Variants in PODNL1 observed in about 807,000 individuals in gnomAD.
PODNL1 encodes the protein podocan like 1.
A neutral mutation model predicts 45.1 loss-of-function variants in PODNL1; 50 were observed. The ratio of observed to expected loss-of-function variants is 1.11; its 90% confidence interval spans 0.88 to 1.40. The LOEUF (loss-of-function observed/expected upper bound fraction) is 1.40. Ranked by LOEUF, PODNL1 falls within the 40% of genes most tolerant of loss-of-function variation. PODNL1 has a pLI of 0.00. For missense variants in PODNL1, 788 were observed against 793.3 expected (o/e 0.99, Z 0.08); for synonymous variants, 406 against 372.5 (o/e 1.09, Z -1.04).
Position 13,938,010 on chromosome 19 carries a change from CGGGGGAGGGA to C in PODNL1, c.4-14_4-5del, listed in dbSNP as rs977014338. ...GGAGCAGCAGCAGGCTCGGCCACTG[CGGGGGAGGGA>C]GGGTCAGCGTGTCTCCAGGCTGGGC... On this transcript the variant is annotated splice_region_variant and splice_polypyrimidine_tract_variant and intron_variant, in intron 1 of 9. Coordinates refer to ENST00000588872, the MANE Select transcript of PODNL1 (RefSeq NM_001370095.3). The C allele has an allele frequency of 2.6e-6, 4 of 1,515,172 alleles. No homozygotes were observed. In the African/African-American group the frequency reaches 5.5e-5, roughly 21 times the overall value. 93.9% of individuals were successfully genotyped at this position (1,515,172 alleles called of 1,614,324 possible).
Position 13,936,406 on chromosome 19 carries a change from G to T in PODNL1, c.280C>A (p.Arg94=), listed in dbSNP as rs759288219. ...AGGTTGTTGTGGAGGTTGAGGGTTC[G>T]CAGGCCACTGAGGCGGGACAGCTCA... is the stretch of plus-strand genomic sequence containing the variant. ...YNELSRLSGL[R]TLNLHNNLIS... The change falls in exon 3 of 10, where the codon CGA becomes AGA. Residue 94 remains arginine (R), a synonymous_variant. Transcript: ENST00000588872. 19 of 1,613,362 alleles carry T rather than the reference G, an allele frequency of 1.2e-5. No homozygotes were observed. The highest frequency in any genetic ancestry group is 1.4e-5 in the Non-Finnish European group (17 of 1,179,658).
intron 1 of PODNL1, among the ~76,000 whole-genome samples, chr19:13,951,230 G>C (rs1973011684): frequency 1.3e-5 from 2 of 151,892 alleles, no homozygotes; most frequent in African/African-American, 2.4e-5. Flanking sequence ...ATGATCCCTT[G>C]AGGTCAGGAG....
chr19:13,934,296 C>G lies in PODNL1; in HGVS notation c.609G>C (p.Leu203=). 1 of 1,537,016 alleles carries G rather than the reference C, an allele frequency of 6.5e-7. No homozygotes were observed. The highest frequency in any genetic ancestry group is 8.7e-7 in the Non-Finnish European group (1 of 1,143,920). Residue 203 remains leucine, a synonymous_variant, in exon 6 of 10, where the codon CTG becomes CTC. Coordinates refer to ENST00000588872, the MANE Select transcript of PODNL1 (RefSeq NM_001370095.3). Reference sequence around the variant, plus strand: ...CGAGTGAGGGCGGCAGGCTGGGCGGCAGGTAGCTGAGCTGGTTGTTGGAGA... The same window carrying G: ...CGAGTGAGGGCGGCAGGCTGGGCGGGAGGTAGCTGAGCTGGTTGTTGGAGA... ...LSLSNNQLSY[L]PPSLPPSLER... is the part of the protein sequence containing the mutation.
rs1222076125 is a variant in PODNL1, at chr19:13,933,705, G to C, written c.767+173C>G. On this transcript the variant is annotated intron_variant, in intron 7 of 9. Transcript: ENST00000588872. The surrounding 1 kb of genome is among the most constrained non-coding windows in gnomAD (Gnocchi z 5.2). Reference sequence around the variant, plus strand: ...AAGGCATGTGAGACTTACGATGTCAGTGCAGGGCTGTGGGGAACAGGGACA... The same window carrying C: ...AAGGCATGTGAGACTTACGATGTCACTGCAGGGCTGTGGGGAACAGGGACA... 6.6e-6 allele frequency among the ~76,000 whole-genome samples: 1 copy of C among 152,178 alleles called. No individual in the cohort carries two copies. Among genetic ancestry groups the C allele is most frequent in the Non-Finnish European group, 1.5e-5 (1 of 68,044 alleles).
Position 13,938,173 on chromosome 19 carries a change from C to T in PODNL1, c.3+6G>A, listed in dbSNP as rs371003238. 283 of 1,605,926 alleles carry T rather than the reference C, an allele frequency of 1.8e-4. No individual in the cohort carries two copies. The highest frequency in any genetic ancestry group is 2.0e-4 in the Non-Finnish European group (237 of 1,176,800). Reference sequence around the variant, plus strand: ...CACCCTCAGACCCTCCCGTGCCCCACCTTACCATGGCCAGCCCTGACTCTG... The same window carrying T: ...CACCCTCAGACCCTCCCGTGCCCCATCTTACCATGGCCAGCCCTGACTCTG... On this transcript the variant is annotated splice_donor_region_variant and intron_variant, in intron 1 of 9. Coordinates refer to ENST00000588872, the MANE Select transcript of PODNL1 (RefSeq NM_001370095.3).
intron 3 of PODNL1, 24 bp downstream of exon 3, chr19:13,936,342 AG>A (rs1568435646): frequency 6.3e-7 from 1 of 1,587,588 alleles, no homozygotes; most frequent in Admixed American, 1.7e-5. Flanking sequence ...AGCCCCAGAG[AG>A]GCCGCCTCCC....
At chr19:13,951,309 T>TA (rs994299791) in intron 1 of PODNL1, among the ~76,000 whole-genome samples, 18 of 149,022 alleles carry the variant, frequency 1.2e-4, no homozygotes, top group Admixed American at 2.7e-4. Flanking sequence ...ATGAAGACAA[T>TA]AAAAAAAAAC....
At chr19:13,944,560 C>T (rs759129904) in intron 1 of PODNL1, among the ~76,000 whole-genome samples, 4 of 150,298 alleles carry the variant, frequency 2.7e-5, no homozygotes, top group Non-Finnish European at 4.4e-5. Context: ...TGGGTTCAAG[C>T]GATTCTCGTG....
rs780827130 is a variant in PODNL1 at position 13,932,125 on chromosome 19, T to C, written c.1426-13A>G. On this transcript the variant is annotated splice_polypyrimidine_tract_variant and intron_variant, in intron 8 of 9. Coordinates refer to ENST00000588872, the MANE Select transcript of PODNL1 (RefSeq NM_001370095.3). ...TGAGGTCCAGCATCTGGGCAGGGGG[T>C]TATAGATGGCATCGTGGCAGCCCCA... 45 of 1,233,190 alleles carry C rather than the reference T, an allele frequency of 3.6e-5. No homozygotes were observed. The highest frequency in any genetic ancestry group is 4.3e-5 in the Non-Finnish European group (43 of 989,140). 76.4% of individuals were successfully genotyped at this position (1,233,190 alleles called of 1,614,324 possible). A position where few individuals can be genotyped will look rare whatever the true frequency, so the allele number is the denominator to read the frequency against.
intron 1 of PODNL1, among the ~76,000 whole-genome samples, chr19:13,952,838 A>T (rs1264822729): frequency 1.9e-5 from 1 of 53,400 alleles, no homozygotes; most frequent in Admixed American, 2.6e-4. Context: ...GCCTGGATGC[A>T]GGTGGTTGTG....
chr19:13,948,658 T>C (rs111710360), intron 1 of PODNL1, among the ~76,000 whole-genome samples: 6,058 of 142,996 alleles, frequency 0.042, 385 homozygotes, highest in African/African-American at 0.14. Context: ...TGGCCGGGTG[T>C]GGTGGCTCAC....
At chr19:13,944,598 C>T (rs1052059665) in intron 1 of PODNL1, among the ~76,000 whole-genome samples, 2 of 152,088 alleles carry the variant, frequency 1.3e-5, no homozygotes, top group Non-Finnish European at 2.9e-5. Flanking sequence ...GCTGGGACTA[C>T]AGGTGCAGGC....
intron 1 of PODNL1, chr19:13,952,405 G>A (rs1973086718): frequency 2.4e-6 from 3 of 1,224,564 alleles, no homozygotes; most frequent in East Asian, 3.2e-5. Flanking sequence ...CGCGAGTGCG[G>A]GCTTTCGCCC....
intron 1 of PODNL1, among the ~76,000 whole-genome samples, chr19:13,947,580 C>G (rs1972865578): frequency 6.6e-6 from 1 of 151,738 alleles, no homozygotes; most frequent in South Asian, 2.1e-4. Context: ...GAGAAGCTGC[C>G]CCATCATCTG....
intron 6 of PODNL1, 80 bp from the exon 7 acceptor site, chr19:13,934,073 G>C: frequency 7.1e-7 from 1 of 1,410,820 alleles, no homozygotes; most frequent in Non-Finnish European, 9.8e-7. Flanking sequence ...GAGTAAGGGA[G>C]TGACGAGGAG....
chr19:13,933,516 T>C lies in PODNL1; in HGVS notation c.768-61A>G. 6.7e-7 allele frequency: 1 copy of C among 1,493,912 alleles called. No individual in the cohort carries two copies. The highest frequency in any genetic ancestry group is 1.3e-5 in the South Asian group (1 of 76,132). 92.5% of individuals were successfully genotyped at this position (1,493,912 alleles called of 1,614,324 possible). ...TTGGAGTGGGGTGCCTGACAGATTT[T>C]GGCGGGGAGGCTGGGGAGTGGTCCT... is the stretch of plus-strand genomic sequence containing the variant. On this transcript the variant is annotated intron_variant, in intron 7 of 9. Coordinates refer to ENST00000588872, the MANE Select transcript of PODNL1 (RefSeq NM_001370095.3). The surrounding 1 kb of genome is among the most constrained non-coding windows in gnomAD (Gnocchi z 5.2).
At position 13,931,225 on chromosome 19, in the gene PODNL1, G is replaced by A. The variant is rs1427628210; in HGVS notation, c.*512C>T. 6.5e-6 allele frequency: 1 copy of A among 153,228 alleles called. No individual in the cohort carries two copies. Among genetic ancestry groups the A allele is most frequent in the Non-Finnish European group, 1.5e-5 (1 of 68,902 alleles). 9.5% of individuals were successfully genotyped at this position (153,228 alleles called of 1,614,324 possible). ...TTCATTCCCATGCTTGCTGTGGGGGGGGATACATGTGAGGGTCCCTATATC... is the reference window on the plus strand; with the variant it reads ...TTCATTCCCATGCTTGCTGTGGGGGAGGATACATGTGAGGGTCCCTATATC... On this transcript the variant is annotated 3_prime_UTR_variant, in exon 10 of 10. Coordinates refer to ENST00000588872, the MANE Select transcript of PODNL1 (RefSeq NM_001370095.3).
At position 13,933,026 on chromosome 19, in the gene PODNL1, C is replaced by A. The variant is rs17854939; in HGVS notation, c.1197G>T (p.Arg399=). The change falls in exon 8 of 10, where the codon CGG becomes CGT. Residue 399 remains arginine (R), a synonymous_variant. Transcript: ENST00000588872. The surrounding 1 kb of genome is among the most constrained non-coding windows in gnomAD (Gnocchi z 5.2). ...SARVHHRAFR[R]LRALRSLDLA... ...GGTCGAGGCTGCGCAGGGCACGCAA[C>A]CGGCGGAAGGCCCGGTGGTGCACAC... 5.2e-6 allele frequency: 8 copies of A among 1,538,706 alleles called. No homozygotes were observed. The East Asian group carries it at 1.7e-4, about 33-fold the overall frequency.
chr19:13,944,654 G>A (rs1466504274), intron 1 of PODNL1, among the ~76,000 whole-genome samples: 1 of 151,690 alleles, frequency 6.6e-6, no homozygotes, highest in Non-Finnish European at 1.5e-5. Context: ...GACAGGTTTT[G>A]CCAAGTTGGC....
Sources: allele counts gnomAD v4.1 joint callset (sites outside exome capture counted in the v4.1 genomes callset), GRCh38; gene constraint gnomAD v4.1.1; non-coding constraint Gnocchi (gnomAD v3.1); transcripts MANE v1.5; gene names NCBI Gene and HGNC (gene_info 2026-07-23, HGNC 2026-07-21).